ATP8B4: variants seen among roughly 807,000 people sequenced by gnomAD.
ATP8B4 encodes probable phospholipid-transporting ATPase IM.
A neutral mutation model predicts 145.6 loss-of-function variants in ATP8B4; 133 were observed. The observed-to-expected ratio is 0.91, with a 90% CI of 0.79 to 1.05. The LOEUF is 1.05. Among genes scored for constraint, ATP8B4 ranks in the 50% least tolerant of loss-of-function variants. ATP8B4 has a pLI of 0.00. For missense variants in ATP8B4, 1,458 were observed against 1,425.2 expected, an observed-to-expected ratio of 1.02 and a Z score of -0.37; for synonymous variants, 507 against 492.9, an observed-to-expected ratio of 1.03 and a Z score of -0.38.
At chr15:49,999,635 T>A (rs1275697429) in intron 8 of ATP8B4, among the ~76,000 whole-genome samples, 2 of 152,160 alleles carry the variant, frequency 1.3e-5, no homozygotes, top group African/African-American at 2.4e-5. Context: ...AGTATCTTGA[T>A]AAACTTCAAA....
intron 13 of ATP8B4, among the ~76,000 whole-genome samples, chr15:49,967,586 A>T (rs1307317733): frequency 6.6e-6 from 1 of 152,180 alleles, no homozygotes; most frequent in Non-Finnish European, 1.5e-5. Flanking sequence ...AAAGAATGAA[A>T]AGGAACGAAT....
intron 1 of ATP8B4, among the ~76,000 whole-genome samples, chr15:50,164,991 A>C (rs900816165): frequency 1.3e-5 from 2 of 152,186 alleles, no homozygotes; most frequent in Non-Finnish European, 2.9e-5. Context: ...AGGGTTGTGT[A>C]GGCAATTCAA....
intron 7 of ATP8B4, among the ~76,000 whole-genome samples, chr15:50,005,872 A>G (rs1294970964): frequency 6.6e-6 from 1 of 152,202 alleles, no homozygotes. Flanking sequence ...TGGCTCCATG[A>G]CCTGATGGAA....
In ATP8B4 at chr15:50,117,575, G is replaced by A. The variant is rs189660624; in HGVS notation, c.-43+1548C>T. ...GAGACAATATAAAGGCACAATATAG[G>A]TTAAAATAAATCACTCTGTGGTTTC... On this transcript the variant is annotated intron_variant, in intron 1 of 27. Transcript: ENST00000284509. Among the ~76,000 whole-genome samples the A allele has an allele frequency of 2.6e-5, 4 of 152,200 alleles. No individual in the cohort carries two copies. The East Asian group carries it at 7.7e-4, about 29-fold the overall frequency.
chr15:49,952,456 T>C (rs1046832080), intron 14 of ATP8B4, among the ~76,000 whole-genome samples: 1 of 152,186 alleles, frequency 6.6e-6, no homozygotes, highest in African/African-American at 2.4e-5. Context: ...GTCTTTGAAC[T>C]CTGATATCCT....
chr15:49,916,464 C>G (rs2039750244), intron 20 of ATP8B4, among the ~76,000 whole-genome samples: 1 of 152,158 alleles, frequency 6.6e-6, no homozygotes, highest in Non-Finnish European at 1.5e-5. Flanking sequence ...CTGTTTACAG[C>G]TGTTTCCCAA....
intron 1 of ATP8B4, among the ~76,000 whole-genome samples, chr15:50,110,122 G>A (rs936644704): frequency 6.6e-5 from 10 of 151,852 alleles, no homozygotes; most frequent in African/African-American, 1.9e-4. Context: ...ATTCTGTCAC[G>A]GTAATTATAT....
intron 2 of ATP8B4, among the ~76,000 whole-genome samples, chr15:50,085,826 T>C (rs2054873926): frequency 7.6e-6 from 1 of 132,024 alleles, no homozygotes; most frequent in African/African-American, 2.9e-5. Flanking sequence ...TTATATATAA[T>C]ATATATGATA....
At chr15:49,970,949 G>A (rs987684931) in intron 13 of ATP8B4, among the ~76,000 whole-genome samples, 1 of 151,964 alleles carries the variant, frequency 6.6e-6, no homozygotes, top group South Asian at 2.1e-4. Flanking sequence ...CAGAACAGAG[G>A]CCTCAGAAAT....
rs570622394 is a variant in ATP8B4, at chr15:50,174,742, G to A, written c.-43+7519C>T. ...TGCCAAAAGCAATCTACAAATTCAA[G>A]ACAATCCCCATCAGAATACCACCAA... On this transcript the variant is annotated intron_variant, in intron 1 of 3. Transcript: ENST00000558829. 3.4e-3 allele frequency among the ~76,000 whole-genome samples: 523 copies of A among 151,770 alleles called. 2 individuals are homozygous for A. Among genetic ancestry groups the A allele is most frequent in the Admixed American group, 6.6e-3 (100 of 15,242 alleles).
intron 9 of ATP8B4, among the ~76,000 whole-genome samples, chr15:49,988,484 TGAAA>T (rs2046810391): frequency 6.6e-6 from 1 of 151,796 alleles, no homozygotes; most frequent in Admixed American, 6.6e-5. Context: ...AGGGGAGATA[TGAAA>T]AAGGAAGCTG....
chr15:50,154,277 T>C (rs1483382892), intron 1 of ATP8B4, among the ~76,000 whole-genome samples: 2 of 152,154 alleles, frequency 1.3e-5, no homozygotes. Context: ...TAACCAAAAA[T>C]ACATCTTAAT....
At chr15:50,138,578 G>A (rs1405340887) in intron 1 of ATP8B4, among the ~76,000 whole-genome samples, 1 of 152,104 alleles carries the variant, frequency 6.6e-6, no homozygotes, top group Non-Finnish European at 1.5e-5. Flanking sequence ...ATCCTAATAG[G>A]CATCATCTCC....
chr15:50,136,990 T>C (rs539727918), intron 1 of ATP8B4, among the ~76,000 whole-genome samples: 34 of 152,220 alleles, frequency 2.2e-4, no homozygotes, highest in Non-Finnish European at 3.4e-4. Flanking sequence ...AGTTCAGGGA[T>C]GAATCCCTGA....
chr15:50,047,308 C>G (rs761600201), intron 4 of ATP8B4, 43 bp downstream of exon 4: 1 of 1,272,142 alleles, frequency 7.9e-7, no homozygotes, highest in South Asian at 1.2e-5. Flanking sequence ...TTTATGAATA[C>G]TTTAAACAAA....
At chr15:49,950,608 A>AAAAC in intron 14 of ATP8B4, among the ~76,000 whole-genome samples, 1 of 98,892 alleles carries the variant, frequency 1.0e-5, no homozygotes, top group Non-Finnish European at 2.2e-5. Flanking sequence ...AAAAACAAAC[A>AAAAC]AACAAACAAA....
At chr15:50,161,263 A>T (rs559089720) in intron 1 of ATP8B4, among the ~76,000 whole-genome samples, 1 of 152,120 alleles carries the variant, frequency 6.6e-6, no homozygotes, top group South Asian at 2.1e-4. Context: ...GTGTCTTTAT[A>T]AGTGAAGTGT....
At chr15:50,038,199 G>A (rs563465477) in intron 6 of ATP8B4, among the ~76,000 whole-genome samples, 3 of 152,252 alleles carry the variant, frequency 2.0e-5, no homozygotes, top group East Asian at 1.9e-4. Flanking sequence ...TTTTGCAGTC[G>A]TTTGTGGATA....
At chr15:50,078,901 C>A (rs1318013861) in intron 2 of ATP8B4, among the ~76,000 whole-genome samples, 1 of 152,002 alleles carries the variant, frequency 6.6e-6, no homozygotes, top group African/African-American at 2.4e-5. Context: ...CTATACCGAG[C>A]CAAATAATCA....
Sources: allele counts gnomAD v4.1 joint callset (sites outside exome capture counted in the v4.1 genomes callset), GRCh38; gene constraint gnomAD v4.1.1; transcripts MANE v1.5; gene names NCBI Gene and HGNC (gene_info 2026-07-23, HGNC 2026-07-21).